Variants in LRFN5 observed in about 807,000 individuals in gnomAD.
The protein encoded by LRFN5 is leucine rich repeat and fibronectin type III domain containing 5, also known as leucine-rich repeat and fibronectin type-III domain-containing protein 5.
A neutral mutation model predicts 45.6 loss-of-function variants in LRFN5; 24 were observed. That is an observed-to-expected ratio of 0.53 (90% CI 0.38 to 0.74). LRFN5 has a LOEUF of 0.74. Among genes scored for constraint, LRFN5 ranks in the 30% least tolerant of loss-of-function variants. The pLI, the probability that LRFN5 is intolerant of heterozygous loss-of-function variation, is 0.00. For missense variants in LRFN5, 776 were observed against 861.5 expected, an observed-to-expected ratio of 0.90 and a Z score of 1.24; for synonymous variants, 340 against 313.8, an observed-to-expected ratio of 1.08 and a Z score of -0.88.
intron 1 of LRFN5, among the ~76,000 whole-genome samples, chr14:41,755,417 T>A (rs963175073): frequency 1.3e-5 from 2 of 152,200 alleles, no homozygotes; most frequent in African/African-American, 2.4e-5. Flanking sequence ...TTTGTAGGTC[T>A]CTAAGGACTT....
At chr14:41,632,154 G>A (rs377686433) in intron 1 of LRFN5, among the ~76,000 whole-genome samples, 1 of 151,186 alleles carries the variant, frequency 6.6e-6, no homozygotes, top group African/African-American at 2.4e-5. Flanking sequence ...TGAATAAGAA[G>A]TCACAAGGAA....
rs902501885 is a variant in LRFN5 at position 41,628,204 on chromosome 14, A to G, written c.-197+19642A>G. ...TTTAAGTTTCTTTTACCCCTCATTT[A>G]TTCTTAACAATATCTTGCCTTTTTC... is the stretch of plus-strand genomic sequence containing the variant. On this transcript the variant is annotated intron_variant, in intron 1 of 5. Coordinates refer to ENST00000298119, the MANE Select transcript of LRFN5 (RefSeq NM_152447.5). Among the ~76,000 whole-genome samples, 8 of 152,122 alleles carry G rather than the reference A, an allele frequency of 5.3e-5. 1 individual carries two copies. Among genetic ancestry groups the G allele is most frequent in the African/African-American group, 1.7e-4 (7 of 41,444 alleles).
intron 1 of LRFN5, among the ~76,000 whole-genome samples, chr14:41,754,682 G>T (rs1885294873): frequency 6.6e-6 from 1 of 151,910 alleles, no homozygotes; most frequent in Non-Finnish European, 1.5e-5. Context: ...CTTGCTAGTG[G>T]TCTATCAATT....
intron 1 of LRFN5, among the ~76,000 whole-genome samples, chr14:41,675,683 A>ATTTAT (rs1881599840): frequency 6.6e-6 from 1 of 152,168 alleles, no homozygotes; most frequent in Non-Finnish European, 1.5e-5. Context: ...GAGGGCCTAA[A>ATTTAT]TGAATAAGCC....
At chr14:41,656,755 C>T (rs1419740837) in intron 1 of LRFN5, among the ~76,000 whole-genome samples, 1 of 151,700 alleles carries the variant, frequency 6.6e-6, no homozygotes, top group Non-Finnish European at 1.5e-5. Flanking sequence ...GGAGGAAGAG[C>T]GTTGATCGCT....
intron 2 of LRFN5, among the ~76,000 whole-genome samples, chr14:41,779,391 A>G (rs1886404513): frequency 6.6e-6 from 1 of 151,806 alleles, no homozygotes; most frequent in Non-Finnish European, 1.5e-5. Flanking sequence ...GTTATTAGAA[A>G]TTTTTGGATC....
chr14:41,681,133 A>G (rs78824279), intron 1 of LRFN5, among the ~76,000 whole-genome samples: 1,976 of 152,262 alleles, frequency 0.013, 14 homozygotes, highest in Non-Finnish European at 0.023. Context: ...ATAGCCTCAA[A>G]AGGGCAAATC....
In LRFN5 at chr14:41,632,291, A is replaced by AT. The variant is rs1452307472; in HGVS notation, c.-197+23730dup. Among the ~76,000 whole-genome samples, 5 of 151,998 alleles carry AT rather than the reference A, an allele frequency of 3.3e-5. No individual in the cohort carries two copies. The East Asian group carries it at 9.7e-4, about 29-fold the overall frequency. The stretch of plus-strand genomic sequence containing the variant: ...CTTCCATCATCCATATGTTAATCTC[A>AT]TAACGGCCCTTTAAAAATGTAGGTG... On this transcript the variant is annotated intron_variant, in intron 1 of 5. Coordinates refer to ENST00000298119, the MANE Select transcript of LRFN5 (RefSeq NM_152447.5).
chr14:41,754,399 T>A (rs958551410), intron 1 of LRFN5, among the ~76,000 whole-genome samples: 2 of 151,858 alleles, frequency 1.3e-5, no homozygotes, highest in Admixed American at 6.6e-5. Context: ...GGTCCTGGAC[T>A]TTTTTTTGGT....
At chr14:41,890,568 G>A (rs989507942) in intron 3 of LRFN5, among the ~76,000 whole-genome samples, 2 of 151,846 alleles carry the variant, frequency 1.3e-5, no homozygotes, top group African/African-American at 2.4e-5. Context: ...TTAGCCGGGC[G>A]TGGTGGCGGG....
chr14:41,825,876 G>A (rs2139022880), intron 2 of LRFN5, among the ~76,000 whole-genome samples: 1 of 152,300 alleles, frequency 6.6e-6, no homozygotes, highest in East Asian at 1.9e-4. Flanking sequence ...TTGGAAACCA[G>A]CAGCCTGCTG....
At chr14:41,877,558 T>C (rs1466687725) in intron 2 of LRFN5, among the ~76,000 whole-genome samples, 1 of 152,142 alleles carries the variant, frequency 6.6e-6, no homozygotes, top group Non-Finnish European at 1.5e-5. Flanking sequence ...AAGTAATTGG[T>C]GTCTTATCTG....
chr14:41,686,859 GC>G (rs1882146660), intron 1 of LRFN5, among the ~76,000 whole-genome samples: 1 of 152,164 alleles, frequency 6.6e-6, no homozygotes. Context: ...GATTCAGTTT[GC>G]CAGTATTTTA....
At chr14:41,661,648 A>G (rs1021902553) in intron 1 of LRFN5, among the ~76,000 whole-genome samples, 10 of 152,076 alleles carry the variant, frequency 6.6e-5, no homozygotes, top group African/African-American at 2.2e-4. Context: ...AAATAAGAAA[A>G]TCAATCACTT....
chr14:41,857,391 C>T (rs547366016), intron 2 of LRFN5, among the ~76,000 whole-genome samples: 51 of 151,950 alleles, frequency 3.4e-4, no homozygotes, highest in Non-Finnish European at 5.7e-4. Context: ...GTTATTTATG[C>T]GATAAAATAT....
At chr14:41,898,485 A>T (rs548015467) in intron 4 of LRFN5, among the ~76,000 whole-genome samples, 5 of 152,164 alleles carry the variant, frequency 3.3e-5, no homozygotes, top group African/African-American at 1.2e-4. Flanking sequence ...CATATGGTGA[A>T]CATAGTTAAA....
At chr14:41,848,380 G>A (rs973709663) in intron 2 of LRFN5, among the ~76,000 whole-genome samples, 66 of 151,952 alleles carry the variant, frequency 4.3e-4, no homozygotes, top group African/African-American at 1.5e-3. Context: ...ACAGGAAAAA[G>A]AAAAAAGTAA....
intron 2 of LRFN5, among the ~76,000 whole-genome samples, chr14:41,850,092 C>T (rs1054312141): frequency 6.6e-6 from 1 of 151,722 alleles, no homozygotes; most frequent in Non-Finnish European, 1.5e-5. Flanking sequence ...TAATATAGTA[C>T]ATGTATGTAT....
At position 41,759,448 on chromosome 14, in the gene LRFN5, TACACACACACACACACAC is replaced by T. The variant is rs569216156; in HGVS notation, c.-196-7372_-196-7355del. Among the ~76,000 whole-genome samples, 979 of 109,734 alleles carry T rather than the reference TACACACACACACACACAC, an allele frequency of 8.9e-3. 12 individuals carry two copies. The highest frequency in any genetic ancestry group is 0.032 in the African/African-American group (935 of 28,918). 72.0% of individuals were successfully genotyped at this position (109,734 alleles called of 152,430 possible). A position where few individuals can be genotyped will look rare whatever the true frequency, so the allele number is the denominator to read the frequency against. The stretch of plus-strand genomic sequence containing the variant: ...CATTATAAAGTATATTCTCTCTCTC[TACACACACACACACACAC>T]ACACACACACACACACACACACACA... On this transcript the variant is annotated intron_variant, in intron 1 of 5. Transcript: ENST00000298119.
Sources: gnomAD v4.1 joint callset for allele counts (sites outside exome capture counted in the v4.1 genomes callset) on GRCh38, gnomAD v4.1.1 for gene constraint, MANE v1.5 for transcripts, NCBI Gene and HGNC (gene_info 2026-07-23, HGNC 2026-07-21) for gene names.